Variants in HMGXB3 observed in about 807,000 individuals in gnomAD.
HMGXB3 encodes HMG-box containing 3.
In HMGXB3, 45 loss-of-function variants were observed where a neutral mutation model predicts 121.5. The ratio of observed to expected loss-of-function variants is 0.37; its 90% CI spans 0.29 to 0.47. HMGXB3 has a LOEUF of 0.47. Among genes scored for constraint, HMGXB3 ranks in the 20% least tolerant of loss-of-function variants. The pLI, the probability that HMGXB3 is intolerant of heterozygous loss-of-function variation, is 0.99. For missense variants in HMGXB3, 1,376 were observed against 1,602.2 expected (o/e 0.86, Z 2.41); for synonymous variants, 590 against 624.1 (o/e 0.95, Z 0.81).
chr5:150,006,395 A>T (rs1755701625), intron 2 of HMGXB3, 78 bp from the exon 3 acceptor site: 2 of 1,279,654 alleles, frequency 1.6e-6, no homozygotes, highest in Non-Finnish European at 2.2e-6. Flanking sequence ...GGGTCGAGGG[A>T]TGGGGAGTGG....
At chr5:150,046,481 T>C (rs1251781717) in intron 16 of HMGXB3, among the ~76,000 whole-genome samples, 2 of 152,244 alleles carry the variant, frequency 1.3e-5, no homozygotes, top group African/African-American at 2.4e-5. Flanking sequence ...TCACTTAATA[T>C]GTTGTGATCC....
At chr5:150,041,706 CT>C (rs1261962764) in intron 14 of HMGXB3, 78 bp from the exon 15 acceptor site, 1 of 1,039,270 alleles carries the variant, frequency 9.6e-7, no homozygotes, top group Non-Finnish European at 1.4e-6. Flanking sequence ...AATTGCTCTA[CT>C]TACTACCCAC....
intron 17 of HMGXB3, 24 bp downstream of exon 17, chr5:150,047,781 A>G: frequency 6.4e-7 from 1 of 1,551,424 alleles, no homozygotes; most frequent in Non-Finnish European, 8.7e-7. Flanking sequence ...GCAGTGGTGG[A>G]TATCGGGGCT....
intron 9 of HMGXB3, among the ~76,000 whole-genome samples, chr5:150,028,744 T>G (rs1310614477): frequency 6.6e-6 from 1 of 151,276 alleles, no homozygotes; most frequent in Non-Finnish European, 1.5e-5. Flanking sequence ...TTTTTAAATT[T>G]TTTTTGTAGA....
At chr5:150,042,417 T>C (rs1756657407) in intron 15 of HMGXB3, among the ~76,000 whole-genome samples, 1 of 152,136 alleles carries the variant, frequency 6.6e-6, no homozygotes, top group Non-Finnish European at 1.5e-5. Context: ...GGCATTTGTA[T>C]TTTATAGAGG....
At chr5:150,006,693 T>C (rs1218238472) in intron 3 of HMGXB3, 46 bp downstream of exon 3, 2 of 1,501,882 alleles carry the variant, frequency 1.3e-6, no homozygotes, top group Non-Finnish European at 1.8e-6. Context: ...GGTTCAGTGA[T>C]GAAGGCCTTG....
At position 150,006,397 on chromosome 5, in the gene HMGXB3, G is replaced by T; in HGVS notation, c.138-76G>T. ...TGAATGAAGTCCTGGGTCGAGGGAT[G>T]GGGAGTGGGAAGTGGAGGGATTTCT... On this transcript the variant is annotated intron_variant, in intron 2 of 19. Coordinates refer to ENST00000502717, the MANE Select transcript of HMGXB3 (RefSeq NM_014983.3). 3 of 1,293,624 alleles carry T rather than the reference G, an allele frequency of 2.3e-6. No homozygotes were observed. The East Asian group carries it at 7.6e-5, about 33-fold the overall frequency. The allele number at this position is 1,293,624 out of a possible 1,614,324, so 80.1% of individuals were successfully genotyped here.
At chr5:150,012,553 G>A (rs1307461484) in intron 5 of HMGXB3, among the ~76,000 whole-genome samples, 200 bp downstream of exon 5, 2 of 152,118 alleles carry the variant, frequency 1.3e-5, no homozygotes, top group African/African-American at 4.8e-5. Flanking sequence ...GGGGTGAGGG[G>A]GTTGTAGATA....
At chr5:150,041,104 T>C (rs890346870) in intron 14 of HMGXB3, among the ~76,000 whole-genome samples, 3 of 152,208 alleles carry the variant, frequency 2.0e-5, no homozygotes, top group African/African-American at 7.2e-5. Flanking sequence ...TAGCAAGAGA[T>C]TACGAGTGAC....
chr5:150,015,153 G>T, intron 5 of HMGXB3: 1 of 318,594 alleles, frequency 3.1e-6, no homozygotes, highest in South Asian at 6.6e-5. Flanking sequence ...AAGGTGAGCA[G>T]GGCACGATGA....
rs763782750 is a variant in HMGXB3, at chr5:150,010,590, A to G, written c.792A>G (p.Ser264=). ...ACCCCCAGGTTGGGGAGAGTGTATC[A>G]GTGGTAACAGTCATGAGGGTAAGTG... ...VPHPQVGESV[S]VVTVMRDSSE... The change falls in exon 4 of 20, where the codon TCA becomes TCG. Residue 264 remains serine (S), a synonymous_variant. Transcript: ENST00000502717. The G allele has an allele frequency of 7.1e-6, 11 of 1,550,786 alleles. No homozygotes were observed. The South Asian group carries it at 1.2e-4, about 17-fold the overall frequency.
At chr5:150,021,797 C>T (rs769810035) in intron 6 of HMGXB3, 6 of 505,758 alleles carry the variant, frequency 1.2e-5, no homozygotes, top group Non-Finnish European at 2.4e-5. Flanking sequence ...TTCCTTTGCT[C>T]CTCTGATCAA....
intron 15 of HMGXB3, among the ~76,000 whole-genome samples, chr5:150,043,314 A>G (rs2113759395): frequency 2.0e-5 from 3 of 152,346 alleles, no homozygotes; most frequent in East Asian, 3.9e-4. Flanking sequence ...CTACACTCAC[A>G]GGCAGGGACT....
At chr5:150,014,079 G>A (rs1465081891) in intron 5 of HMGXB3, among the ~76,000 whole-genome samples, 1 of 152,168 alleles carries the variant, frequency 6.6e-6, no homozygotes, top group Non-Finnish European at 1.5e-5. Flanking sequence ...AAAAATTCAG[G>A]GTGCTAAACA....
At position 150,050,398 on chromosome 5, in the gene HMGXB3, G is replaced by A. The variant is rs1756863079; in HGVS notation, c.3348G>A (p.Glu1116=). The A allele has an allele frequency of 7.1e-6, 11 of 1,551,756 alleles. No homozygotes were observed. The highest frequency in any genetic ancestry group is 8.7e-6 in the Non-Finnish European group (10 of 1,147,006). The change falls in exon 19 of 20, where the codon GAG becomes GAA. Residue 1116 remains glutamate, a synonymous_variant. Coordinates refer to ENST00000502717, the MANE Select transcript of HMGXB3 (RefSeq NM_014983.3). The part of the protein sequence containing the change: ...VALCADLCYP[E]LTNQMWGRNQ... Reference sequence around the variant, plus strand: ...TGTGTGCTGACCTCTGCTACCCAGAGCTGACTAACCAGATGTGGGGGAGGA... The same window carrying A: ...TGTGTGCTGACCTCTGCTACCCAGAACTGACTAACCAGATGTGGGGGAGGA...
rs1247755333 is a variant in HMGXB3 at position 150,004,933 on chromosome 5, G to A, written c.81G>A (p.Gly27=). ...AAGCCTATTGTTACACCTCTCCTGG[G>A]CCACCCAAGAAGAAGAAAAAGTATA... The part of the protein sequence containing the change: ...IEEAYCYTSP[G]PPKKKKKYKI... The change falls in exon 2 of 20, where the codon GGG becomes GGA. Residue 27 remains glycine, a synonymous_variant. Coordinates refer to ENST00000502717, the MANE Select transcript of HMGXB3 (RefSeq NM_014983.3). The A allele has an allele frequency of 3.2e-6, 5 of 1,551,784 alleles. No homozygotes were observed. Among genetic ancestry groups the A allele is most frequent in the African/African-American group, 1.4e-5 (1 of 73,148 alleles).
intron 3 of HMGXB3, among the ~76,000 whole-genome samples, chr5:150,008,108 A>G (rs1755750930): frequency 6.7e-6 from 1 of 149,726 alleles, no homozygotes. Context: ...CAAATCAGCA[A>G]TCTTTTTGTG....
chr5:150,049,136 A>G (rs1481864204), intron 18 of HMGXB3, among the ~76,000 whole-genome samples: 4 of 152,178 alleles, frequency 2.6e-5, no homozygotes, highest in Non-Finnish European at 5.9e-5. Context: ...CCAGGGAAGG[A>G]GTGTCACAGC....
chr5:150,045,795 C>A, intron 16 of HMGXB3, 110 bp downstream of exon 16: 1 of 773,740 alleles, frequency 1.3e-6, no homozygotes, highest in Non-Finnish European at 2.1e-6. Flanking sequence ...GGCCCCGCTG[C>A]AGGACTCCTT....
Sources: gnomAD v4.1 joint callset for allele counts (sites outside exome capture counted in the v4.1 genomes callset) on GRCh38, gnomAD v4.1.1 for gene constraint, MANE v1.5 for transcripts, NCBI Gene and HGNC (gene_info 2026-07-23, HGNC 2026-07-21) for gene names.